MLC1: variants seen among roughly 807,000 people sequenced by gnomAD.
MLC1 encodes membrane protein MLC1.
MLC1 carries 32 observed loss-of-function variants against 44.7 expected under a neutral mutation model. The observed-to-expected ratio is 0.72, with a 90% CI of 0.54 to 0.96. The LOEUF (loss-of-function observed/expected upper bound fraction) is 0.96, where lower values mean the gene tolerates loss of function less well. MLC1 is among the 40% of genes least tolerant of loss of function. The probability of loss-of-function intolerance (pLI) is 0.00; values close to 1 mark genes in which losing one functional copy is unlikely to be tolerated. For missense variants in MLC1, 459 were observed against 492.2 expected, an observed-to-expected ratio of 0.93 and a Z score of 0.64; for synonymous variants, 190 against 213.0, an observed-to-expected ratio of 0.89 and a Z score of 0.94.
intron 8 of MLC1, among the ~76,000 whole-genome samples, chr22:50,073,338 G>A (rs545962777): frequency 1.3e-5 from 2 of 152,370 alleles, no homozygotes; most frequent in East Asian, 1.9e-4. Flanking sequence ...GCCACTACGC[G>A]GCAAGGTGCT....
chr22:50,066,742 G>A (rs1187306540), intron 10 of MLC1, among the ~76,000 whole-genome samples: 1 of 152,076 alleles, frequency 6.6e-6, no homozygotes, highest in East Asian at 1.9e-4. Context: ...ATTATCATCT[G>A]GTTGCCCATA....
chr22:50,063,941 TC>T (rs2061642434), intron 11 of MLC1, 92 bp downstream of exon 11: 6 of 829,690 alleles, frequency 7.2e-6, no homozygotes, highest in East Asian at 6.7e-5. Flanking sequence ...CTCCCCAGCT[TC>T]CCCCCACCCC....
chr22:50,074,560 G>A, intron 7 of MLC1: 2 of 564,818 alleles, frequency 3.5e-6, no homozygotes, highest in Non-Finnish European at 6.4e-6. Context: ...AGCCAAAGAG[G>A]TGTTTCCCCC....
chr22:50,084,081 C>T (rs561310491), intron 2 of MLC1, among the ~76,000 whole-genome samples: 5 of 152,182 alleles, frequency 3.3e-5, no homozygotes, highest in Non-Finnish European at 5.9e-5. Context: ...ATCTCATTCT[C>T]AGCCCAAGCT....
At chr22:50,070,644 C>T (rs2061828924) in intron 8 of MLC1, 61 bp from the exon 9 acceptor site, 4 of 1,505,414 alleles carry the variant, frequency 2.7e-6, no homozygotes, top group Admixed American at 3.9e-5. Flanking sequence ...GAATTCCAAA[C>T]ATGTGCCCTC....
At chr22:50,066,765 C>G (rs1165958683) in intron 10 of MLC1, among the ~76,000 whole-genome samples, 3 of 151,976 alleles carry the variant, frequency 2.0e-5, no homozygotes, top group East Asian at 3.8e-4. Context: ...AGGAGCAGGT[C>G]AGTCAGGCAT....
intron 10 of MLC1, among the ~76,000 whole-genome samples, chr22:50,065,382 CCA>C (rs1445463822): frequency 6.6e-6 from 1 of 151,048 alleles, no homozygotes; most frequent in Non-Finnish European, 1.5e-5. Context: ...AAAAAAAAAT[CCA>C]GAGCCATTAA....
intron 10 of MLC1, among the ~76,000 whole-genome samples, chr22:50,065,888 G>C (rs2061691696): frequency 6.6e-6 from 1 of 152,258 alleles, no homozygotes; most frequent in Non-Finnish European, 1.5e-5. Flanking sequence ...TCACGGAGGA[G>C]TTATTTATAG....
In MLC1 at chr22:50,074,253, G is replaced by A; in HGVS notation, c.677C>T (p.Pro226Leu). 1 of 1,613,924 alleles carries A rather than the reference G, an allele frequency of 6.2e-7. No homozygotes were observed. Among genetic ancestry groups the A allele is most frequent in the Non-Finnish European group, 8.5e-7 (1 of 1,179,984 alleles). Residue 226 changes from proline (P) to leucine (L), a missense_variant, in exon 8 of 12, where the codon CCA (proline) becomes CTA (leucine). Physicochemically the swap from Pro to Leu is moderately conservative, Grantham distance 98 (BLOSUM62 -3). Coordinates refer to ENST00000311597, the MANE Select transcript of MLC1 (RefSeq NM_015166.4). ...CCAAAAGAACGTCACTGAGAGGTGT[G>A]GGCCTGAAACTGAGTCATCCACGTT... ...ALNVDDSVSGPHLSVTFFWIL... is the reference protein window; with the variant it reads ...ALNVDDSVSGLHLSVTFFWIL...
chr22:50,074,431 AGTGG>A, intron 7 of MLC1, 99 bp from the exon 8 acceptor site: 1 of 1,100,374 alleles, frequency 9.1e-7, no homozygotes, highest in Non-Finnish European at 1.4e-6. Flanking sequence ...AGCAGGGTCC[AGTGG>A]GCTGGCCCCA....
rs79770795 is a variant in MLC1, at chr22:50,073,358, G to A, written c.714+858C>T. 2.1e-3 allele frequency among the ~76,000 whole-genome samples: 321 copies of A among 152,368 alleles called. 2 individuals carry two copies. Among genetic ancestry groups the A allele is most frequent in the African/African-American group, 7.6e-3 (315 of 41,594 alleles). On this transcript the variant is annotated intron_variant, in intron 8 of 11. Transcript: ENST00000311597. ...TACGCGGCAAGGTGCTGAGAACCTCGTGGGGTCTGCGTCCGGAGGCAGGTG... is the reference window on the plus strand; with the variant it reads ...TACGCGGCAAGGTGCTGAGAACCTCATGGGGTCTGCGTCCGGAGGCAGGTG...
In MLC1 at chr22:50,083,886, T is replaced by C. The variant is rs137929; in HGVS notation, c.178-713A>G. On this transcript the variant is annotated intron_variant, in intron 2 of 11. Transcript: ENST00000311597. This position sits in a 1 kb window ranked among gnomAD's most constrained non-coding sequence, Gnocchi z 4.6. ...CTGCGACCAAGTCCAGGGCACCAGG[T>C]GGAGGAGGGCAGAGCCCGGAGATGG... is the stretch of plus-strand genomic sequence containing the variant. Among the ~76,000 whole-genome samples, 107,796 of 151,720 alleles carry C rather than the reference T, an allele frequency of 0.71. 38,770 individuals carry two copies. The highest frequency in any genetic ancestry group is 0.79 in the South Asian group (3,820 of 4,816).
At position 50,059,404 on chromosome 22, in the gene MLC1, C is replaced by T. The variant is rs2146723257; in HGVS notation, c.*2179G>A. The T allele has an allele frequency of 6.6e-6, 1 of 152,488 alleles. No individual in the cohort carries two copies. Among genetic ancestry groups the T allele is most frequent in the African/African-American group, 2.4e-5 (1 of 41,580 alleles). The allele number at this position is 152,488 out of a possible 1,614,324, so 9.4% of individuals were successfully genotyped here. On this transcript the variant is annotated 3_prime_UTR_variant, in exon 12 of 12. Transcript: ENST00000311597. Reference sequence around the variant, plus strand: ...AATAGCCACAGCCACGTCTGCAAGTCAGCGTTTATTGCTCAAGCGTATTAA... The same window carrying T: ...AATAGCCACAGCCACGTCTGCAAGTTAGCGTTTATTGCTCAAGCGTATTAA...
intron 9 of MLC1, among the ~76,000 whole-genome samples, 176 bp from the exon 10 acceptor site, chr22:50,068,731 T>C (rs1420241268): frequency 2.8e-4 from 40 of 142,912 alleles, no homozygotes; most frequent in Admixed American, 7.6e-4. Flanking sequence ...TTTTCTTTTT[T>C]TTTTTTTTTT....
chr22:50,065,392 T>G (rs2061681149), intron 10 of MLC1, among the ~76,000 whole-genome samples: 1 of 151,636 alleles, frequency 6.6e-6, no homozygotes, highest in Admixed American at 6.6e-5. Flanking sequence ...CCAGAGCCAT[T>G]AAAGAAAATA....
chr22:50,065,933 C>CT (rs1438800788), intron 10 of MLC1, among the ~76,000 whole-genome samples: 2 of 152,224 alleles, frequency 1.3e-5, no homozygotes, highest in Non-Finnish European at 2.9e-5. Flanking sequence ...GTTTCCATCA[C>CT]TAGGGACTGG....
In MLC1 at chr22:50,082,269, A is replaced by G. The variant is rs1417127613; in HGVS notation, c.267+815T>C. On this transcript the variant is annotated intron_variant, in intron 3 of 11. Coordinates refer to ENST00000311597, the MANE Select transcript of MLC1 (RefSeq NM_015166.4). ...TGCGGGCCAGAGGGGCATGGGGTCC[A>G]TGGCTTGCGGGCCAGAGCCCAGGGG... is the stretch of plus-strand genomic sequence containing the variant. 3.3e-5 allele frequency among the ~76,000 whole-genome samples: 5 copies of G among 151,316 alleles called. 1 individual carries two copies. Among genetic ancestry groups the G allele is most frequent in the East Asian group, 3.9e-4 (2 of 5,112 alleles).
In MLC1 at chr22:50,084,837, C is replaced by T. The variant is rs200941892; in HGVS notation, c.66G>A (p.Arg22=). 1 of 1,613,598 alleles carries T rather than the reference C, an allele frequency of 6.2e-7. No homozygotes were observed. Among genetic ancestry groups the T allele is most frequent in the African/African-American group, 1.3e-5 (1 of 74,952 alleles). The stretch of plus-strand genomic sequence containing the variant: ...CTGGGGCATAGCTGGCGGGGTCTTG[C>T]CGGCCCCGCTCCAGCGTGGGCATCC... ...YDRMPTLERG[R]QDPASYAPDA... Residue 22 remains arginine, a synonymous_variant, in exon 2 of 12, where the codon CGG becomes CGA. Transcript: ENST00000311597.
At chr22:50,076,736 C>T in intron 7 of MLC1, 105 bp downstream of exon 7, 1 of 1,222,500 alleles carries the variant, frequency 8.2e-7, no homozygotes, top group Non-Finnish European at 1.2e-6. Flanking sequence ...GCGGTGTAGA[C>T]AGCCAACTCT....
Sources: allele counts gnomAD v4.1 joint callset (sites outside exome capture counted in the v4.1 genomes callset), GRCh38; gene constraint gnomAD v4.1.1; non-coding constraint Gnocchi (gnomAD v3.1); transcripts MANE v1.5; gene names NCBI Gene and HGNC (gene_info 2026-07-23, HGNC 2026-07-21).